Variants in ERBB4 observed in about 807,000 individuals in gnomAD.
ERBB4 encodes the protein receptor tyrosine-protein kinase erbB-4.
In ERBB4, 42 loss-of-function variants were observed where a neutral mutation model predicts 158.0. The ratio of observed to expected loss-of-function variants is 0.27; its 90% CI spans 0.21 to 0.34. The LOEUF is 0.34. Among genes scored for constraint, ERBB4 ranks in the 10% least tolerant of loss-of-function variants. The pLI is 1.00. For synonymous variants in ERBB4, 583 were observed against 558.7 expected, an observed-to-expected ratio of 1.04 and a Z score of -0.61; for missense variants, 1,333 against 1,624.1, an observed-to-expected ratio of 0.82 and a Z score of 3.08.
chr2:212,191,759 T>C (rs1386808927), intron 1 of ERBB4, among the ~76,000 whole-genome samples: 1 of 140,950 alleles, frequency 7.1e-6, no homozygotes, highest in Non-Finnish European at 1.5e-5. Flanking sequence ...ACACGTGTTA[T>C]ACATGTTATA....
At position 211,542,205 on chromosome 2, in the gene ERBB4, C is replaced by T. The variant is rs188605514; in HGVS notation, c.2487+19698G>A. Among the ~76,000 whole-genome samples, 15 of 152,124 alleles carry T rather than the reference C, an allele frequency of 9.9e-5. No homozygotes were observed. The East Asian group carries it at 2.9e-3, about 29-fold the overall frequency. On this transcript the variant is annotated intron_variant, in intron 20 of 27. Transcript: ENST00000342788. The stretch of plus-strand genomic sequence containing the variant: ...TGAGTGCCTTAGGGAGAAAGACAAA[C>T]ATAGCACATGGCCTGCAGGTTGCTG...
At chr2:212,003,083 G>C (rs1034739583) in intron 2 of ERBB4, among the ~76,000 whole-genome samples, 2 of 132,074 alleles carry the variant, frequency 1.5e-5, no homozygotes, top group African/African-American at 2.7e-5. Flanking sequence ...GAGAGAGAGA[G>C]AAAGAGAGAC....
intron 3 of ERBB4, among the ~76,000 whole-genome samples, chr2:211,831,536 A>G (rs2077219755): frequency 6.6e-6 from 1 of 152,196 alleles, no homozygotes. Flanking sequence ...TCTAAGAAAA[A>G]AGACTAAGAA....
intron 3 of ERBB4, among the ~76,000 whole-genome samples, chr2:211,943,391 TAAG>T (rs1047085046): frequency 2.5e-4 from 38 of 152,182 alleles, no homozygotes; most frequent in Non-Finnish European, 3.8e-4. Context: ...GAGTGATTAA[TAAG>T]AACCACAGCC....
At chr2:212,006,899 T>C (rs2076273171) in intron 2 of ERBB4, among the ~76,000 whole-genome samples, 1 of 152,012 alleles carries the variant, frequency 6.6e-6, no homozygotes, top group Non-Finnish European at 1.5e-5. Context: ...TTCACTGAGA[T>C]TGGGATGCAT....
intron 3 of ERBB4, among the ~76,000 whole-genome samples, chr2:211,888,707 C>G (rs11890789): frequency 0.021 from 3,175 of 152,032 alleles, 102 homozygotes; most frequent in African/African-American, 0.072. Context: ...GTGCGCGAGC[C>G]GAAGCAGGGC....
chr2:212,374,765 A>G (rs2090264756), intron 1 of ERBB4, among the ~76,000 whole-genome samples: 1 of 152,008 alleles, frequency 6.6e-6, no homozygotes, highest in Admixed American at 6.6e-5. Context: ...TAACAAATAA[A>G]GAAAATTGCA....
At chr2:211,494,969 G>A (rs2125579353) in intron 20 of ERBB4, among the ~76,000 whole-genome samples, 1 of 152,130 alleles carries the variant, frequency 6.6e-6, no homozygotes, top group South Asian at 2.1e-4. Flanking sequence ...TGGTTATATA[G>A]AATTTTTAAA....
chr2:211,733,678 CAA>C lies in ERBB4; in HGVS notation c.623-8486_623-8485del, dbSNP rs34092994. On this transcript the variant is annotated intron_variant, in intron 5 of 27. Coordinates refer to ENST00000342788, the MANE Select transcript of ERBB4 (RefSeq NM_005235.3). ...ACCTGATAGAAAAACAAACAAAAAC[CAA>C]AAAAAAAAAATTTACTTTCTTTCTT... 6.7e-3 allele frequency among the ~76,000 whole-genome samples: 993 copies of C among 148,404 alleles called. 53 individuals carry two copies. The highest frequency in any genetic ancestry group is 0.023 in the African/African-American group (929 of 39,762).
intron 5 of ERBB4, among the ~76,000 whole-genome samples, chr2:211,744,244 T>G (rs1270304004): frequency 6.6e-6 from 1 of 152,180 alleles, no homozygotes; most frequent in Non-Finnish European, 1.5e-5. Context: ...TCAAGCTAAC[T>G]GTGGCACCCA....
At chr2:211,739,761 G>A (rs1202411472) in intron 5 of ERBB4, among the ~76,000 whole-genome samples, 5 of 152,184 alleles carry the variant, frequency 3.3e-5, no homozygotes, top group Admixed American at 2.6e-4. Flanking sequence ...GAGCCACTGC[G>A]CCCAGCCTCA....
At chr2:212,001,827 C>T (rs1009444153) in intron 2 of ERBB4, among the ~76,000 whole-genome samples, 7 of 152,124 alleles carry the variant, frequency 4.6e-5, no homozygotes, top group African/African-American at 1.4e-4. Context: ...TTATCAATAT[C>T]TTATGAGGCA....
At position 212,196,482 on chromosome 2, in the gene ERBB4, T is replaced by C. The variant is rs1474141085; in HGVS notation, c.83-71579A>G. Among the ~76,000 whole-genome samples, 4 of 151,990 alleles carry C rather than the reference T, an allele frequency of 2.6e-5. No individual in the cohort carries two copies. In the South Asian group the frequency reaches 6.2e-4, roughly 24 times the overall value. On this transcript the variant is annotated intron_variant, in intron 1 of 27. Transcript: ENST00000342788. ...GGCAGGTATACTAGGTGTAATTTTATAGAAAAAAATTCATGTCTAAGTGGG... is the reference window on the plus strand; with the variant it reads ...GGCAGGTATACTAGGTGTAATTTTACAGAAAAAAATTCATGTCTAAGTGGG...
chr2:212,076,719 C>A (rs2078285028), intron 2 of ERBB4, among the ~76,000 whole-genome samples: 1 of 151,468 alleles, frequency 6.6e-6, no homozygotes, highest in African/African-American at 2.4e-5. Context: ...AAAAGGGTCC[C>A]CTATGTTAAA....
chr2:212,374,046 A>G (rs976316929), intron 1 of ERBB4, among the ~76,000 whole-genome samples: 1 of 103,588 alleles, frequency 9.7e-6, no homozygotes, highest in Non-Finnish European at 2.1e-5. Context: ...ATATATATCC[A>G]TATATATATA....
At chr2:211,387,267 A>G in intron 26 of ERBB4, 117 bp from the exon 27 acceptor site, 1 of 920,030 alleles carries the variant, frequency 1.1e-6, no homozygotes, top group Non-Finnish European at 1.8e-6. Context: ...CATAGTATTT[A>G]CTGGTTTTTT....
intron 1 of ERBB4, among the ~76,000 whole-genome samples, chr2:212,510,638 A>G (rs1250671379): frequency 6.6e-6 from 1 of 152,038 alleles, no homozygotes; most frequent in Non-Finnish European, 1.5e-5. Flanking sequence ...GAGATCACAT[A>G]ATTGTGAGTA....
chr2:211,826,323 A>G (rs999572500), intron 3 of ERBB4, among the ~76,000 whole-genome samples: 3 of 151,858 alleles, frequency 2.0e-5, no homozygotes, highest in African/African-American at 7.2e-5. Context: ...ATATAATCAT[A>G]ATCAAATACA....
At chr2:211,570,228 T>C (rs945501197) in intron 19 of ERBB4, among the ~76,000 whole-genome samples, 5 of 152,136 alleles carry the variant, frequency 3.3e-5, no homozygotes, top group Non-Finnish European at 7.4e-5. Context: ...TTTGGCTCAC[T>C]TCAAGTTCTG....
Sources: gnomAD v4.1 joint callset for allele counts (sites outside exome capture counted in the v4.1 genomes callset) on GRCh38, gnomAD v4.1.1 for gene constraint, MANE v1.5 for transcripts, NCBI Gene and HGNC (gene_info 2026-07-23, HGNC 2026-07-21) for gene names.